GPHN: variants seen among roughly 807,000 people sequenced by gnomAD.
GPHN encodes gephyrin.
In GPHN, 17 loss-of-function variants were observed where a neutral mutation model predicts 95.5. The ratio of observed to expected loss-of-function variants is 0.18; its 90% CI spans 0.12 to 0.27. The LOEUF (loss-of-function observed/expected upper bound fraction) is 0.27, where lower values mean the gene tolerates loss of function less well. GPHN is among the 10% of genes least tolerant of loss of function. GPHN has a pLI of 1.00. For synonymous variants in GPHN, 320 were observed against 322.5 expected, an observed-to-expected ratio of 0.99 and a Z score of 0.08; for missense variants, 660 against 978.1, an observed-to-expected ratio of 0.67 and a Z score of 4.34.
At chr14:66,555,013 A>G (rs2059953595) in intron 1 of GPHN, among the ~76,000 whole-genome samples, 1 of 152,210 alleles carries the variant, frequency 6.6e-6, no homozygotes, top group Non-Finnish European at 1.5e-5. Context: ...CTCTCAGCCA[A>G]TATATGGCAG....
chr14:66,983,756 A>G (rs766800294), intron 9 of GPHN, among the ~76,000 whole-genome samples: 3 of 152,136 alleles, frequency 2.0e-5, no homozygotes, highest in Non-Finnish European at 4.4e-5. Flanking sequence ...AAGTTTCTAT[A>G]CTTGCATTTG....
At chr14:66,685,149 T>C (rs1411112566) in intron 2 of GPHN, among the ~76,000 whole-genome samples, 2 of 152,236 alleles carry the variant, frequency 1.3e-5, no homozygotes, top group African/African-American at 2.4e-5. Flanking sequence ...CAGTCTATCA[T>C]TGATGGACAT....
intron 5 of GPHN, among the ~76,000 whole-genome samples, chr14:66,903,911 G>T (rs1397022427): frequency 6.6e-6 from 1 of 152,098 alleles, no homozygotes; most frequent in Non-Finnish European, 1.5e-5. Context: ...AATGGGAACA[G>T]AAACTGAAAA....
the GPHN span, chr14:67,515,593 C>G: frequency 2.0e-5 from 3 of 152,788 alleles, no homozygotes; most frequent in Non-Finnish European, 4.4e-5. Flanking sequence ...GGGTCGGCCC[C>G]GCCACGGGCG....
At chr14:66,835,945 A>T (rs1245629633) in intron 4 of GPHN, among the ~76,000 whole-genome samples, 19 of 145,352 alleles carry the variant, frequency 1.3e-4, no homozygotes, top group Non-Finnish European at 2.4e-4. Context: ...ATAAAAGAGG[A>T]TACAAACAAA....
the GPHN span, among the ~76,000 whole-genome samples, chr14:67,358,962 C>A: frequency 1.3e-5 from 2 of 152,156 alleles, no homozygotes; most frequent in Non-Finnish European, 1.5e-5. Context: ...CTGGAGAGAG[C>A]CCACAGTCTA....
At chr14:66,726,620 A>G (rs1392674721) in intron 2 of GPHN, among the ~76,000 whole-genome samples, 1 of 152,224 alleles carries the variant, frequency 6.6e-6, no homozygotes, top group Non-Finnish European at 1.5e-5. Flanking sequence ...TTTATATAGC[A>G]TATTGCCTCA....
the GPHN span, among the ~76,000 whole-genome samples, chr14:67,346,529 G>T: frequency 6.6e-6 from 1 of 152,202 alleles, no homozygotes; most frequent in Admixed American, 6.5e-5. Context: ...TGCCCAGGCT[G>T]GTCTCAAACT....
At chr14:66,688,356 G>A (rs1029133166) in intron 2 of GPHN, among the ~76,000 whole-genome samples, 1 of 152,128 alleles carries the variant, frequency 6.6e-6, no homozygotes, top group Non-Finnish European at 1.5e-5. Context: ...ACACTCAAGT[G>A]TAACATTTAT....
At chr14:67,674,087 A>G in the GPHN span, among the ~76,000 whole-genome samples, 1 of 152,206 alleles carries the variant, frequency 6.6e-6, no homozygotes, top group African/African-American at 2.4e-5. Context: ...CCCACTCTAC[A>G]TTACAGGACC....
At chr14:67,408,295 T>TAAAATAAAATAAAATA in the GPHN span, among the ~76,000 whole-genome samples, 3 of 116,716 alleles carry the variant, frequency 2.6e-5, no homozygotes, top group African/African-American at 1.0e-4. Flanking sequence ...TCAAAATAAA[T>TAAAATAAAATAAAATA]AAATAAAATA....
the GPHN span, among the ~76,000 whole-genome samples, chr14:67,548,367 G>C: frequency 6.6e-6 from 1 of 152,272 alleles, no homozygotes; most frequent in East Asian, 1.9e-4. Context: ...CTCCCTATCT[G>C]CTTCTTTATG....
chr14:67,452,749 C>T, the GPHN span, among the ~76,000 whole-genome samples: 1 of 152,116 alleles, frequency 6.6e-6, no homozygotes, highest in Non-Finnish European at 1.5e-5. Flanking sequence ...CCCAGTTTCT[C>T]GATTATAAGA....
chr14:66,649,180 C>T (rs1425269989), intron 1 of GPHN, among the ~76,000 whole-genome samples: 9 of 151,884 alleles, frequency 5.9e-5, no homozygotes, highest in East Asian at 1.9e-4. Flanking sequence ...AAAATACAAT[C>T]GAAATTAGCA....
chr14:67,420,491 C>T, the GPHN span, among the ~76,000 whole-genome samples: 1 of 152,240 alleles, frequency 6.6e-6, no homozygotes, highest in South Asian at 2.1e-4. Flanking sequence ...ACCAATCACG[C>T]TCCTTTCTGG....
At chr14:67,279,474 C>G in the GPHN span, 1 of 1,603,320 alleles carries the variant, frequency 6.2e-7, no homozygotes, top group African/African-American at 1.3e-5. Context: ...AATAGATAAC[C>G]CTATGTTTGA....
chr14:67,610,109 G>A, the GPHN span, among the ~76,000 whole-genome samples: 1,738 of 151,454 alleles, frequency 0.011, 18 homozygotes, highest in Non-Finnish European at 0.017. Context: ...GGTTGCCAGC[G>A]GCGGGGCAGA....
At chr14:67,331,155 A>C in the GPHN span, among the ~76,000 whole-genome samples, 4,630 of 151,720 alleles carry the variant, frequency 0.031, 89 homozygotes, top group Non-Finnish European at 0.036. Context: ...AGTGATTCTC[A>C]TGCCTCAGCC....
the GPHN span, chr14:67,227,826 C>T: frequency 6.6e-6 from 1 of 152,112 alleles, no homozygotes; most frequent in Non-Finnish European, 1.5e-5. Flanking sequence ...CCTGAATGGA[C>T]AGGTTTTTCC....
Sources: allele counts gnomAD v4.1 joint callset (sites outside exome capture counted in the v4.1 genomes callset), GRCh38; gene constraint gnomAD v4.1.1; transcripts MANE v1.5; gene names NCBI Gene and HGNC (gene_info 2026-07-23, HGNC 2026-07-21).